The following GARRE1 variants were observed in gnomAD, a reference collection of about 807,000 sequenced individuals.
The protein encoded by GARRE1 is granule associated Rac and RHOG effector protein 1.
GARRE1 carries 49 observed loss-of-function variants against 103.2 expected under a neutral mutation model. The ratio of observed to expected loss-of-function variants is 0.47; its 90% CI spans 0.38 to 0.60. The LOEUF (loss-of-function observed/expected upper bound fraction) is 0.60. Ranked by LOEUF, GARRE1 falls within the 20% of genes least tolerant of loss-of-function variation. GARRE1 has a pLI of 0.00. For missense variants in GARRE1, 1,199 were observed against 1,370.5 expected (o/e 0.87, Z 1.98); for synonymous variants, 505 against 532.8 (o/e 0.95, Z 0.72).
chr19:34,288,554 T>G lies in GARRE1; in HGVS notation c.-795-11125T>G, dbSNP rs567279609. Among the ~76,000 whole-genome samples the G allele has an allele frequency of 4.6e-5, 7 of 152,306 alleles. No individual in the cohort carries two copies. In the East Asian group the frequency reaches 1.2e-3, roughly 25 times the overall value. On this transcript the variant is annotated intron_variant, in intron 1 of 13. Coordinates refer to ENST00000299505, the MANE Select transcript of GARRE1 (RefSeq NM_014686.5). ...GTGGCCGACTGTAGGGCTTGCCCGC[T>G]AGTCTGTATTTTCCCCTACATTTCT...
At chr19:34,332,815 C>T (rs1311703200) in intron 7 of GARRE1, among the ~76,000 whole-genome samples, 1 of 151,758 alleles carries the variant, frequency 6.6e-6, no homozygotes, top group African/African-American at 2.4e-5. Context: ...AAAATATATT[C>T]ATCACTTTGT....
At chr19:34,320,302 G>A (rs2074080467) in intron 3 of GARRE1, among the ~76,000 whole-genome samples, 186 bp downstream of exon 3, 1 of 152,268 alleles carries the variant, frequency 6.6e-6, no homozygotes, top group South Asian at 2.1e-4. Flanking sequence ...CCAGGCATGT[G>A]CCAGGCACTA....
intron 1 of GARRE1, among the ~76,000 whole-genome samples, chr19:34,258,675 A>G (rs1346605767): frequency 6.6e-6 from 1 of 152,120 alleles, no homozygotes; most frequent in Non-Finnish European, 1.5e-5. Flanking sequence ...CTGTAGTCCC[A>G]GCTACTCAGG....
At chr19:34,257,629 G>A (rs528485158) in intron 1 of GARRE1, among the ~76,000 whole-genome samples, 13 of 152,310 alleles carry the variant, frequency 8.5e-5, no homozygotes, top group African/African-American at 3.1e-4. Context: ...GCAGGTTGCC[G>A]TTTTCTCTGA....
chr19:34,288,787 C>T (rs1323931320), intron 1 of GARRE1, among the ~76,000 whole-genome samples: 1 of 152,172 alleles, frequency 6.6e-6, no homozygotes, highest in Non-Finnish European at 1.5e-5. Flanking sequence ...CTAGTAGTGT[C>T]CCTGTAAGCT....
intron 7 of GARRE1, among the ~76,000 whole-genome samples, chr19:34,331,695 T>C (rs574632810): frequency 6.6e-6 from 1 of 152,250 alleles, no homozygotes; most frequent in African/African-American, 2.4e-5. Flanking sequence ...AACGACTACT[T>C]TTCAAAAACA....
intron 1 of GARRE1, among the ~76,000 whole-genome samples, chr19:34,278,167 G>A (rs2073828837): frequency 6.6e-6 from 1 of 151,950 alleles, no homozygotes. Flanking sequence ...GTCTTGGCCA[G>A]GCATGGTGGC....
At chr19:34,270,577 T>C (rs1451387727) in intron 1 of GARRE1, among the ~76,000 whole-genome samples, 2 of 152,194 alleles carry the variant, frequency 1.3e-5, no homozygotes, top group African/African-American at 2.4e-5. Context: ...CCTAGTCTGC[T>C]CTCTCAGATC....
At chr19:34,295,896 C>T (rs1279771791) in intron 1 of GARRE1, among the ~76,000 whole-genome samples, 1 of 152,064 alleles carries the variant, frequency 6.6e-6, no homozygotes, top group Non-Finnish European at 1.5e-5. Context: ...TTTAGTTGTC[C>T]CATCACCATT....
chr19:34,291,775 G>A (rs1001113220), intron 1 of GARRE1, among the ~76,000 whole-genome samples: 36 of 152,160 alleles, frequency 2.4e-4, no homozygotes, highest in African/African-American at 7.5e-4. Flanking sequence ...TCAAGCCATA[G>A]CAACCACTAT....
chr19:34,271,245 CTTTT>C (rs1199086211), intron 1 of GARRE1, among the ~76,000 whole-genome samples: 1 of 105,686 alleles, frequency 9.5e-6, no homozygotes, highest in African/African-American at 3.5e-5. Context: ...TGTGCACTTT[CTTTT>C]TTTTTTTTTT....
chr19:34,277,431 A>T (rs1441958725), intron 1 of GARRE1, among the ~76,000 whole-genome samples: 1 of 152,194 alleles, frequency 6.6e-6, no homozygotes, highest in Non-Finnish European at 1.5e-5. Context: ...CTTATGAACA[A>T]TACGTTTGAA....
chr19:34,317,314 A>C (rs189944287), intron 2 of GARRE1, among the ~76,000 whole-genome samples: 296 of 152,338 alleles, frequency 1.9e-3, no homozygotes, highest in African/African-American at 6.7e-3. Flanking sequence ...TGCTTGGTGC[A>C]TATCAGGCAT....
intron 1 of GARRE1, among the ~76,000 whole-genome samples, chr19:34,257,871 C>CTTTTTTCTTTTTCTT (rs1159649955): frequency 2.7e-4 from 40 of 149,220 alleles, no homozygotes; most frequent in Admixed American, 6.0e-4. Flanking sequence ...GATTGGCCTT[C>CTTTTTTCTTTTTCTT]TTTTTTCTTT....
intron 11 of GARRE1, 132 bp downstream of exon 11, chr19:34,348,174 G>C (rs897481584): frequency 4.0e-6 from 3 of 751,410 alleles, no homozygotes; most frequent in Non-Finnish European, 5.7e-6. Flanking sequence ...ATGTGAGAGA[G>C]TGACATGGGA....
intron 1 of GARRE1, among the ~76,000 whole-genome samples, chr19:34,266,267 G>A (rs1269368856): frequency 6.6e-6 from 1 of 152,226 alleles, no homozygotes; most frequent in Non-Finnish European, 1.5e-5. Flanking sequence ...TGCCTAGCGA[G>A]TGGATGGTGA....
At chr19:34,306,079 G>T (rs2074006328) in intron 2 of GARRE1, among the ~76,000 whole-genome samples, 1 of 152,190 alleles carries the variant, frequency 6.6e-6, no homozygotes, top group African/African-American at 2.4e-5. Context: ...TTAGCCATAG[G>T]CCAATAAGGG....
intron 1 of GARRE1, among the ~76,000 whole-genome samples, chr19:34,287,038 C>T (rs574153864): frequency 1.0e-3 from 152 of 150,882 alleles, no homozygotes; most frequent in Non-Finnish European, 1.8e-3. Flanking sequence ...ACTCAGGAGG[C>T]TGAGGCAGGA....
At chr19:34,343,499 G>C (rs1269027917) in intron 10 of GARRE1, among the ~76,000 whole-genome samples, 1 of 152,132 alleles carries the variant, frequency 6.6e-6, no homozygotes, top group Admixed American at 6.5e-5. Flanking sequence ...TGGAAATTCA[G>C]CAGAAAATGG....
Sources: gnomAD v4.1 joint callset for allele counts (sites outside exome capture counted in the v4.1 genomes callset) on GRCh38, gnomAD v4.1.1 for gene constraint, MANE v1.5 for transcripts, NCBI Gene and HGNC (gene_info 2026-07-23, HGNC 2026-07-21) for gene names.